The following USH2A variants were observed in gnomAD, a reference collection of about 807,000 sequenced individuals.
The protein encoded by USH2A is usherin.
Under a neutral mutation model 538.9 loss-of-function variants are expected in USH2A, and 443 were observed. The observed-to-expected ratio is 0.82, with a 90% CI of 0.76 to 0.89. USH2A has a LOEUF of 0.89. USH2A is among the 40% of genes least tolerant of loss of function. USH2A has a pLI of 0.00. For missense variants in USH2A, 6,633 were observed against 6,324.8 expected (o/e 1.05, Z -1.65); for synonymous variants, 2,413 against 2,273.5 (o/e 1.06, Z -1.75).
intron 22 of USH2A, among the ~76,000 whole-genome samples, chr1:216,093,717 G>C (rs2032362680): frequency 6.6e-6 from 1 of 152,152 alleles, no homozygotes; most frequent in Non-Finnish European, 1.5e-5. Flanking sequence ...TGTTTGGTAG[G>C]GGGGTGGCTA....
rs1164487693 is a variant in USH2A, at chr1:216,422,356, C to T, written c.-20G>A. On this transcript the variant is annotated 5_prime_UTR_variant, in exon 2 of 72. Coordinates refer to ENST00000307340, the MANE Select transcript of USH2A (RefSeq NM_206933.4). ...ATTCATGTTTACAAAAAAGCATTCT[C>T]CTCCTGATAAAGCATTTCTAAATAA... The T allele has an allele frequency of 1.2e-6, 2 of 1,613,468 alleles. No homozygotes were observed. The highest frequency in any genetic ancestry group is 2.2e-5 in the South Asian group (2 of 91,028).
rs1345731215 is a variant in USH2A at position 216,422,326 on chromosome 1, G to A, written c.11C>T (p.Pro4Leu). 5.0e-6 allele frequency: 8 copies of A among 1,613,536 alleles called. No homozygotes were observed. The highest frequency in any genetic ancestry group is 1.3e-5 in the African/African-American group (1 of 74,860). Residue 4 changes from proline to leucine, a missense_variant, in exon 2 of 72, where the codon CCA becomes CTA. By Grantham distance (98) the Pro-to-Leu change is moderately conservative. Transcript: ENST00000307340. ...GAAGCCAGAGCCCAATGAAAGAACT[G>A]GGCAATTCATGTTTACAAAAAAGCA... MNC[P>L]VLSLGSGFLF... is the part of the protein sequence containing the mutation.
rs1334112564 is a variant in USH2A, at chr1:215,846,005, T to A, written c.8874A>T (p.Glu2958Asp). The change falls in exon 45 of 72, where the codon GAA (glutamate) becomes GAT (aspartate). Residue 2958 changes from glutamate (E) to aspartate (D), a missense_variant. Transcript: ENST00000307340. ...CAGAACTCCAAAAAAGTGTGTAATA[T>A]TCAACTTCACCTTGTAGGTCTTGAA... Reference protein sequence around the residue: ...PTVQDLQGEVEYYTLFWSSAT... With the variant: ...PTVQDLQGEVDYYTLFWSSAT... 6.2e-7 allele frequency: 1 copy of A among 1,613,676 alleles called. No homozygotes were observed. The highest frequency in any genetic ancestry group is 8.5e-7 in the Non-Finnish European group (1 of 1,179,796).
At chr1:216,376,577 T>C (rs1475466835) in intron 3 of USH2A, among the ~76,000 whole-genome samples, 1 of 152,204 alleles carries the variant, frequency 6.6e-6, no homozygotes, top group African/African-American at 2.4e-5. Context: ...TATAGTTTTT[T>C]AAAAATCTCT....
At chr1:216,410,391 C>T (rs533119347) in intron 3 of USH2A, among the ~76,000 whole-genome samples, 5 of 152,112 alleles carry the variant, frequency 3.3e-5, no homozygotes, top group Admixed American at 6.6e-5. Flanking sequence ...ATCATAAAGA[C>T]GCATGCACAT....
Position 215,993,046 on chromosome 1 carries a change from G to C in USH2A, c.6779C>G (p.Ser2260Cys). 9 of 1,614,106 alleles carry C rather than the reference G, an allele frequency of 5.6e-6. No homozygotes were observed. The highest frequency in any genetic ancestry group is 7.6e-6 in the Non-Finnish European group (9 of 1,179,966). ...ATTCGGATATTCAGGCTCAGTCCAGGAGACATTAAAGGAGTCAGGTGAATA... is the reference window on the plus strand; with the variant it reads ...ATTCGGATATTCAGGCTCAGTCCAGCAGACATTAAAGGAGTCAGGTGAATA... ...HSYSPDSFNV[S>C]WTEPEYPNGV... is the part of the protein sequence containing the mutation. Residue 2260 changes from serine (S) to cysteine (C), a missense_variant, in exon 35 of 72, where the codon TCC (serine) becomes TGC (cysteine). By Grantham distance (112) the Ser-to-Cys change is moderately radical. Transcript: ENST00000307340.
intron 58 of USH2A, among the ~76,000 whole-genome samples, chr1:215,756,251 C>A (rs542258031): frequency 6.6e-6 from 1 of 152,180 alleles, no homozygotes; most frequent in East Asian, 1.9e-4. Flanking sequence ...TAATAGGTGG[C>A]AGTATTGGGA....
At chr1:215,869,790 G>T (rs115769736) in intron 43 of USH2A, among the ~76,000 whole-genome samples, 1,524 of 152,168 alleles carry the variant, frequency 0.01, 23 homozygotes, top group African/African-American at 0.034. Flanking sequence ...CCTACATGTG[G>T]AATTAACAAT....
At chr1:216,261,618 A>G (rs2036373785) in intron 11 of USH2A, among the ~76,000 whole-genome samples, 2 of 152,156 alleles carry the variant, frequency 1.3e-5, no homozygotes, top group African/African-American at 4.8e-5. Context: ...ATTAGTATAA[A>G]ATACACATTT....
At chr1:215,784,317 T>C (rs1450045677) in intron 52 of USH2A, among the ~76,000 whole-genome samples, 2 of 152,190 alleles carry the variant, frequency 1.3e-5, no homozygotes, top group Admixed American at 1.3e-4. Flanking sequence ...CTGAATGACC[T>C]TGTGCGATTC....
chr1:216,154,748 GTTC>G (rs765692281), intron 21 of USH2A, among the ~76,000 whole-genome samples: 7 of 152,228 alleles, frequency 4.6e-5, no homozygotes, highest in East Asian at 3.9e-4. Flanking sequence ...ACGATTAAGT[GTTC>G]TTCTGCTCTT....
chr1:215,854,836 G>A (rs1163474016), intron 44 of USH2A, among the ~76,000 whole-genome samples: 1 of 152,210 alleles, frequency 6.6e-6, no homozygotes, highest in African/African-American at 2.4e-5. Context: ...GTTTCTTACT[G>A]TACATGTGCT....
At chr1:216,413,971 C>T (rs1003763429) in intron 3 of USH2A, among the ~76,000 whole-genome samples, 7 of 152,080 alleles carry the variant, frequency 4.6e-5, no homozygotes, top group African/African-American at 1.7e-4. Context: ...AATGAAATGC[C>T]ACTAAACACA....
At chr1:216,088,992 T>A (rs762239360) in intron 23 of USH2A, 21 bp downstream of exon 23, 2 of 1,612,814 alleles carry the variant, frequency 1.2e-6, no homozygotes, top group Non-Finnish European at 1.7e-6. Flanking sequence ...GGGCTATTTA[T>A]ACATATCAAA....
At chr1:215,735,605 C>A (rs2102720507) in intron 60 of USH2A, among the ~76,000 whole-genome samples, 1 of 152,170 alleles carries the variant, frequency 6.6e-6, no homozygotes, top group African/African-American at 2.4e-5. Context: ...TGAACAAAAG[C>A]AGAAGTATTT....
At chr1:215,952,952 A>C (rs1019417206) in intron 37 of USH2A, among the ~76,000 whole-genome samples, 13 of 152,154 alleles carry the variant, frequency 8.5e-5, no homozygotes, top group African/African-American at 2.9e-4. Context: ...CATGAGTGAA[A>C]TCCCATTCAC....
intron 49 of USH2A, among the ~76,000 whole-genome samples, chr1:215,810,723 C>G (rs1288242124): frequency 6.6e-6 from 1 of 152,144 alleles, no homozygotes; most frequent in Non-Finnish European, 1.5e-5. Context: ...ATTTAAGTTA[C>G]TTCGAGAAAG....
At chr1:216,291,372 C>G (rs1026911855) in intron 10 of USH2A, among the ~76,000 whole-genome samples, 1 of 152,164 alleles carries the variant, frequency 6.6e-6, no homozygotes, top group Non-Finnish European at 1.5e-5. Context: ...TGTCCTTGCC[C>G]TATCTTAGCA....
chr1:216,064,616 G>C (rs1295935903), intron 30 of USH2A, among the ~76,000 whole-genome samples: 3 of 152,070 alleles, frequency 2.0e-5, no homozygotes, highest in African/African-American at 7.3e-5. Context: ...GTCAACAACA[G>C]ACAACATATA....
Sources: gnomAD v4.1 joint callset for allele counts (sites outside exome capture counted in the v4.1 genomes callset) on GRCh38, gnomAD v4.1.1 for gene constraint, MANE v1.5 for transcripts, NCBI Gene and HGNC (gene_info 2026-07-23, HGNC 2026-07-21) for gene names.